Variants in TMEFF1 observed in about 807,000 individuals in gnomAD.
The protein encoded by TMEFF1 is transmembrane protein with EGF like and two follistatin like domains 1.
A neutral mutation model predicts 47.5 loss-of-function variants in TMEFF1; 20 were observed. The observed-to-expected ratio is 0.42, with a 90% confidence interval of 0.30 to 0.61. The LOEUF is 0.61. Among genes scored for constraint, TMEFF1 ranks in the 20% least tolerant of loss-of-function variants. TMEFF1 has a pLI of 0.19. For synonymous variants in TMEFF1, 162 were observed against 166.3 expected, an observed-to-expected ratio of 0.97 and a Z score of 0.20; for missense variants, 411 against 471.1, an observed-to-expected ratio of 0.87 and a Z score of 1.18.
In TMEFF1 at chr9:100,572,949, A is replaced by G. The variant is rs7034921; in HGVS notation, c.1058+273A>G. Among the ~76,000 whole-genome samples, 312 of 151,904 alleles carry G rather than the reference A, an allele frequency of 2.1e-3. 1 individual carries two copies. Among genetic ancestry groups the G allele is most frequent in the African/African-American group, 7.0e-3 (291 of 41,434 alleles). ...TGAGAACTGTATACAGTCTTTGAACACTGTATTCTGGGAAAATAATGTTAG... is the reference window on the plus strand; with the variant it reads ...TGAGAACTGTATACAGTCTTTGAACGCTGTATTCTGGGAAAATAATGTTAG... On this transcript the variant is annotated intron_variant, in intron 9 of 9. Transcript: ENST00000374879.
At chr9:100,576,077 A>C (rs1294765113) in intron 9 of TMEFF1, among the ~76,000 whole-genome samples, 5 of 152,052 alleles carry the variant, frequency 3.3e-5, no homozygotes, top group Non-Finnish European at 7.4e-5. Context: ...TTCTCCCTTC[A>C]TCTAAGCTCT....
intron 1 of TMEFF1, among the ~76,000 whole-genome samples, chr9:100,474,122 CA>C: frequency 7.6e-6 from 1 of 132,356 alleles, no homozygotes; most frequent in East Asian, 2.1e-4. Context: ...CGGCCCCAGG[CA>C]GGGATCTGTG....
At chr9:100,541,359 T>TTTTC (rs1305808050) in intron 5 of TMEFF1, among the ~76,000 whole-genome samples, 4 of 149,032 alleles carry the variant, frequency 2.7e-5, no homozygotes, top group Admixed American at 6.7e-5. Flanking sequence ...TTTTTTTTTT[T>TTTTC]TTTCTTTCTT....
In TMEFF1 at chr9:100,548,020, T is replaced by G. The variant is rs539494737; in HGVS notation, c.709+128T>G. On this transcript the variant is annotated intron_variant, in intron 6 of 9. Coordinates refer to ENST00000374879, the MANE Select transcript of TMEFF1 (RefSeq NM_003692.5). ...CTCGAAGCTTTATTTTTTTATTACT[T>G]TATATTTCAGATTTTTTATTACTAA... 1.4e-4 allele frequency: 156 copies of G among 1,113,418 alleles called. 1 individual carries two copies. Among genetic ancestry groups the G allele is most frequent in the Non-Finnish European group, 1.7e-4 (149 of 875,034 alleles). The allele number at this position is 1,113,418 out of a possible 1,614,324, so 69.0% of individuals were successfully genotyped here.
chr9:100,484,934 C>T (rs572368882), intron 1 of TMEFF1, among the ~76,000 whole-genome samples: 5 of 152,222 alleles, frequency 3.3e-5, no homozygotes, highest in African/African-American at 1.2e-4. Flanking sequence ...GCCTCGGCCT[C>T]CTAAAATGTT....
At chr9:100,506,945 T>A (rs933929772) in intron 2 of TMEFF1, among the ~76,000 whole-genome samples, 25 of 152,132 alleles carry the variant, frequency 1.6e-4, no homozygotes, top group Admixed American at 1.2e-3. Context: ...TGTAGGTAGA[T>A]GGGTTTATTG....
chr9:100,474,030 G>A (rs888068499), intron 1 of TMEFF1, among the ~76,000 whole-genome samples: 1 of 151,956 alleles, frequency 6.6e-6, no homozygotes, highest in African/African-American at 2.4e-5. Flanking sequence ...GAGGCTGAGC[G>A]GCCGGCCGGG....
chr9:100,474,478 C>T (rs1408889075), intron 1 of TMEFF1, among the ~76,000 whole-genome samples: 1 of 151,874 alleles, frequency 6.6e-6, no homozygotes, highest in Non-Finnish European at 1.5e-5. Context: ...AAGCCTGGGG[C>T]TCAGTTAGTC....
chr9:100,524,930 A>G (rs1838228402), intron 5 of TMEFF1, among the ~76,000 whole-genome samples: 1 of 152,052 alleles, frequency 6.6e-6, no homozygotes, highest in South Asian at 2.1e-4. Flanking sequence ...GTGATGAGGA[A>G]CTTCATTATC....
At chr9:100,527,835 G>A (rs1367605867) in intron 5 of TMEFF1, among the ~76,000 whole-genome samples, 1 of 152,322 alleles carries the variant, frequency 6.6e-6, no homozygotes, top group African/African-American at 2.4e-5. Flanking sequence ...AGACTTAAAT[G>A]TCCCCGTCTG....
At position 100,530,435 on chromosome 9, in the gene TMEFF1, C is replaced by T. The variant is rs1053117875; in HGVS notation, c.560+13664C>T. 2.0e-3 allele frequency among the ~76,000 whole-genome samples: 302 copies of T among 152,184 alleles called. 1 individual carries two copies. Among genetic ancestry groups the T allele is most frequent in the Admixed American group, 3.9e-3 (60 of 15,294 alleles). On this transcript the variant is annotated intron_variant, in intron 5 of 9. Coordinates refer to ENST00000374879, the MANE Select transcript of TMEFF1 (RefSeq NM_003692.5). ...ACCGATCCCACAGAAATATAAACTA[C>T]CATCAGAGAATACTACAAACACCTC...
chr9:100,571,458 G>A (rs1839238128), intron 8 of TMEFF1, among the ~76,000 whole-genome samples: 1 of 152,132 alleles, frequency 6.6e-6, no homozygotes, highest in Non-Finnish European at 1.5e-5. Flanking sequence ...TGCTAAGAGA[G>A]TAGATTTTAA....
intron 2 of TMEFF1, among the ~76,000 whole-genome samples, chr9:100,501,629 A>G (rs1837764950): frequency 1.3e-5 from 2 of 151,856 alleles, no homozygotes; most frequent in Admixed American, 1.3e-4. Flanking sequence ...GCTTTGATTT[A>G]TTTATTTATT....
At chr9:100,537,725 CAT>C (rs35145387) in intron 5 of TMEFF1, among the ~76,000 whole-genome samples, 7,865 of 152,224 alleles carry the variant, frequency 0.052, 318 homozygotes, top group African/African-American at 0.11. Context: ...TGTTTGTGCA[CAT>C]GTTTTCACCC....
At chr9:100,561,355 T>C in intron 7 of TMEFF1, 42 bp from the exon 8 acceptor site, 1 of 1,591,584 alleles carries the variant, frequency 6.3e-7, no homozygotes, top group Non-Finnish European at 8.5e-7. Flanking sequence ...ATTTTTCAGC[T>C]TGCGTTTCAT....
chr9:100,522,044 C>A (rs1313371655), intron 5 of TMEFF1, among the ~76,000 whole-genome samples: 1 of 152,262 alleles, frequency 6.6e-6, no homozygotes, highest in African/African-American at 2.4e-5. Flanking sequence ...TACAATATGA[C>A]GAGTCTCTCC....
At chr9:100,498,431 A>G (rs965614285) in intron 1 of TMEFF1, among the ~76,000 whole-genome samples, 15 of 152,168 alleles carry the variant, frequency 9.9e-5, no homozygotes, top group South Asian at 2.1e-4. Context: ...AAAATGTTAA[A>G]TAAGAAATAG....
intron 5 of TMEFF1, among the ~76,000 whole-genome samples, chr9:100,540,913 A>G (rs1234070954): frequency 6.6e-6 from 1 of 152,164 alleles, no homozygotes; most frequent in Non-Finnish European, 1.5e-5. Flanking sequence ...GATCACATAT[A>G]TTATTTAAAA....
intron 5 of TMEFF1, among the ~76,000 whole-genome samples, chr9:100,525,019 G>C (rs778728929): frequency 6.6e-6 from 1 of 152,158 alleles, no homozygotes; most frequent in Non-Finnish European, 1.5e-5. Flanking sequence ...ACTGAAAGTT[G>C]GGTACGGTAG....
Sources: allele counts gnomAD v4.1 joint callset (sites outside exome capture counted in the v4.1 genomes callset), GRCh38; gene constraint gnomAD v4.1.1; transcripts MANE v1.5; gene names NCBI Gene and HGNC (gene_info 2026-07-23, HGNC 2026-07-21).